Variants in MNAT1 observed in about 807,000 individuals in gnomAD.
MNAT1 encodes the protein MNAT1 component of CDK activating kinase.
Under a neutral mutation model 42.0 loss-of-function variants are expected in MNAT1, and 43 were observed. The ratio of observed to expected loss-of-function variants is 1.02; its 90% CI spans 0.80 to 1.32. The LOEUF is 1.32. Among genes scored for constraint, MNAT1 ranks in the 40% most tolerant of loss-of-function variants. The probability of loss-of-function intolerance (pLI) is 0.00; values close to 1 mark genes in which losing one functional copy is unlikely to be tolerated. For synonymous variants in MNAT1, 118 were observed against 120.0 expected (o/e 0.98, Z 0.11); for missense variants, 306 against 350.4 (o/e 0.87, Z 1.01).
chr14:60,887,558 T>A (rs906383196), intron 7 of MNAT1, among the ~76,000 whole-genome samples: 1 of 151,762 alleles, frequency 6.6e-6, no homozygotes, highest in Non-Finnish European at 1.5e-5. Flanking sequence ...ACAAAGGACA[T>A]GAACTCATCA....
At chr14:60,736,468 G>T (rs1293210184) in intron 1 of MNAT1, among the ~76,000 whole-genome samples, 1 of 152,136 alleles carries the variant, frequency 6.6e-6, no homozygotes, top group East Asian at 1.9e-4. Context: ...AATTGCTTTT[G>T]TTGTATCCTC....
At chr14:60,879,466 TACTGTTTA>T in intron 6 of MNAT1, among the ~76,000 whole-genome samples, 1 of 152,348 alleles carries the variant, frequency 6.6e-6, no homozygotes, top group South Asian at 2.1e-4. Context: ...TGAACAACTA[TACTGTTTA>T]ACGCTAAATC....
intron 7 of MNAT1, among the ~76,000 whole-genome samples, chr14:60,945,035 G>A (rs1466363244): frequency 1.3e-5 from 2 of 152,152 alleles, no homozygotes; most frequent in Non-Finnish European, 2.9e-5. Flanking sequence ...TTCAGTCAGT[G>A]CAATTAAGCA....
In MNAT1 at chr14:60,884,813, A is replaced by C. The variant is rs186085185; in HGVS notation, c.809+4978A>C. 7.2e-5 allele frequency among the ~76,000 whole-genome samples: 11 copies of C among 152,100 alleles called. No homozygotes were observed. In the East Asian group the frequency reaches 2.1e-3, roughly 29 times the overall value. On this transcript the variant is annotated intron_variant, in intron 7 of 7. Coordinates refer to ENST00000261245, the MANE Select transcript of MNAT1 (RefSeq NM_002431.4). ...GAATTTTGTACCTTCAGGTGACTTC[A>C]TATTGCTCATTAATGTTCTTTTCTT...
intron 7 of MNAT1, among the ~76,000 whole-genome samples, chr14:60,942,361 A>G (rs144543644): frequency 5.7e-4 from 87 of 152,246 alleles, no homozygotes; most frequent in African/African-American, 2.0e-3. Flanking sequence ...ACTGGGGGAT[A>G]GTAAGCTTTA....
At chr14:60,866,781 A>G (rs2034212259) in intron 6 of MNAT1, among the ~76,000 whole-genome samples, 1 of 152,072 alleles carries the variant, frequency 6.6e-6, no homozygotes, top group Admixed American at 6.6e-5. Flanking sequence ...GAGGATCTTT[A>G]ATGATACTAA....
chr14:60,848,230 C>G (rs2033729310), intron 6 of MNAT1, among the ~76,000 whole-genome samples: 2 of 152,182 alleles, frequency 1.3e-5, no homozygotes, highest in Admixed American at 1.3e-4. Context: ...TATCGTTCCA[C>G]TACCTTCTGA....
chr14:60,784,201 T>TTTTTTTTTC (rs1435948099), intron 1 of MNAT1, among the ~76,000 whole-genome samples: 1 of 143,868 alleles, frequency 7.0e-6, no homozygotes, highest in African/African-American at 2.6e-5. Flanking sequence ...TTTTTTTTTT[T>TTTTTTTTTC]TTAGTAGAGG....
intron 7 of MNAT1, among the ~76,000 whole-genome samples, chr14:60,908,308 T>C (rs769995867): frequency 6.6e-6 from 1 of 152,198 alleles, no homozygotes; most frequent in Non-Finnish European, 1.5e-5. Flanking sequence ...TCTGGATTGT[T>C]ATTTTTTTCT....
rs1184374251 is a variant in MNAT1 at position 60,756,708 on chromosome 14, T to A, written c.89+21757T>A. On this transcript the variant is annotated intron_variant, in intron 1 of 7. Coordinates refer to ENST00000261245, the MANE Select transcript of MNAT1 (RefSeq NM_002431.4). ...GTGTCATTCATGTGCTCTTTCTGGC[T>A]ATATACCTGTGGCCTAAAGCTGTGG... 2.0e-5 allele frequency among the ~76,000 whole-genome samples: 3 copies of A among 152,348 alleles called. No individual in the cohort carries two copies. In the East Asian group the frequency reaches 5.8e-4, roughly 29 times the overall value.
Position 60,734,801 on chromosome 14 carries a change from G to T in MNAT1, c.-62G>T. On this transcript the variant is annotated 5_prime_UTR_variant, in exon 1 of 8. Transcript: ENST00000261245. The surrounding 1 kb of genome is among the most constrained non-coding windows in gnomAD (Gnocchi z 4.3). ...GGAACCTGCTTGGTCGCGTCTGAGGGGGCTTGTAGGTGGCTCTGGCTGAAA... is the reference window on the plus strand; with the variant it reads ...GGAACCTGCTTGGTCGCGTCTGAGGTGGCTTGTAGGTGGCTCTGGCTGAAA... 2.0e-6 allele frequency: 3 copies of T among 1,514,348 alleles called. 1 individual carries two copies. The highest frequency in any genetic ancestry group is 2.3e-5 in the South Asian group (2 of 88,520). 93.8% of individuals were successfully genotyped at this position (1,514,348 alleles called of 1,614,324 possible).
chr14:60,832,317 C>T (rs879655861), intron 6 of MNAT1, among the ~76,000 whole-genome samples: 20 of 152,094 alleles, frequency 1.3e-4, no homozygotes, highest in South Asian at 4.1e-4. Context: ...TTAGGTCTTA[C>T]GTTTAAGTCT....
At chr14:60,836,664 G>C (rs527993236) in intron 6 of MNAT1, among the ~76,000 whole-genome samples, 9 of 152,292 alleles carry the variant, frequency 5.9e-5, no homozygotes, top group African/African-American at 2.2e-4. Flanking sequence ...TCCTGTATGA[G>C]GTGTTGTTAA....
intron 7 of MNAT1, among the ~76,000 whole-genome samples, chr14:60,885,720 G>T (rs1017341811): frequency 6.6e-6 from 1 of 151,920 alleles, no homozygotes; most frequent in African/African-American, 2.4e-5. Flanking sequence ...GTGTAGGTTG[G>T]TTTTTCATTT....
chr14:60,812,410 T>A (rs1230485659), intron 5 of MNAT1, among the ~76,000 whole-genome samples: 1 of 152,200 alleles, frequency 6.6e-6, no homozygotes, highest in Non-Finnish European at 1.5e-5. Context: ...TCAGGACACC[T>A]CTCCATGTGG....
At chr14:60,930,516 A>T (rs1259931648) in intron 7 of MNAT1, among the ~76,000 whole-genome samples, 1 of 152,156 alleles carries the variant, frequency 6.6e-6, no homozygotes, top group Non-Finnish European at 1.5e-5. Flanking sequence ...AATTATGAAG[A>T]CCAATTAGCC....
intron 7 of MNAT1, among the ~76,000 whole-genome samples, chr14:60,925,929 T>C (rs2035754849): frequency 6.6e-6 from 1 of 152,216 alleles, no homozygotes; most frequent in African/African-American, 2.4e-5. Context: ...GCCAGAGTAA[T>C]GTTATAGAAC....
intron 1 of MNAT1, among the ~76,000 whole-genome samples, chr14:60,763,323 A>T (rs374490321): frequency 6.6e-6 from 1 of 152,206 alleles, no homozygotes; most frequent in Non-Finnish European, 1.5e-5. Flanking sequence ...ATCATTTTAA[A>T]TGAATAATTA....
In MNAT1 at chr14:60,811,506, G is replaced by A. The variant is rs144776485; in HGVS notation, c.421-481G>A. Among the ~76,000 whole-genome samples, 542 of 152,028 alleles carry A rather than the reference G, an allele frequency of 3.6e-3. 4 individuals carry two copies. Among genetic ancestry groups the A allele is most frequent in the African/African-American group, 0.012 (499 of 41,448 alleles). ...TTTAGTAGAGACAGGGTTTCACCAT[G>A]TTGGCCAAGCTGGTCTCGAACTCCT... is the stretch of plus-strand genomic sequence containing the variant. On this transcript the variant is annotated intron_variant, in intron 4 of 7. Coordinates refer to ENST00000261245, the MANE Select transcript of MNAT1 (RefSeq NM_002431.4).
Sources: allele counts gnomAD v4.1 joint callset (sites outside exome capture counted in the v4.1 genomes callset), GRCh38; gene constraint gnomAD v4.1.1; non-coding constraint Gnocchi (gnomAD v3.1); transcripts MANE v1.5; gene names NCBI Gene and HGNC (gene_info 2026-07-23, HGNC 2026-07-21).